The following GPR158 variants were observed in gnomAD, a reference collection of about 807,000 sequenced individuals.
The protein encoded by GPR158 is G protein-coupled receptor 158, also known as metabotropic glycine receptor.
A neutral mutation model predicts 78.2 loss-of-function variants in GPR158; 30 were observed. That is an observed-to-expected ratio of 0.38 (90% CI 0.29 to 0.52). GPR158 has a LOEUF of 0.52. GPR158 is among the 20% of genes least tolerant of loss of function. The pLI is 0.83. For synonymous variants in GPR158, 581 were observed against 591.1 expected, an observed-to-expected ratio of 0.98 and a Z score of 0.25; for missense variants, 1,463 against 1,523.5, an observed-to-expected ratio of 0.96 and a Z score of 0.66.
intron 5 of GPR158, among the ~76,000 whole-genome samples, chr10:25,509,837 C>G (rs971628644): frequency 1.3e-4 from 20 of 152,208 alleles, no homozygotes; most frequent in African/African-American, 3.9e-4. Flanking sequence ...CCTCAGCCTC[C>G]TGAGTAGCTG....
intron 6 of GPR158, among the ~76,000 whole-genome samples, chr10:25,556,350 G>A (rs965460590): frequency 1.7e-4 from 26 of 152,198 alleles, no homozygotes; most frequent in Non-Finnish European, 2.6e-4. Context: ...TTTCAAAACG[G>A]TTTTAGCCAG....
chr10:25,373,176 C>T (rs1261431919), intron 2 of GPR158, among the ~76,000 whole-genome samples: 2 of 151,808 alleles, frequency 1.3e-5, no homozygotes, highest in Non-Finnish European at 2.9e-5. Flanking sequence ...GGCCATTATC[C>T]CTAGCAAAAT....
chr10:25,584,544 T>A (rs1043570924), intron 7 of GPR158, among the ~76,000 whole-genome samples: 4 of 152,228 alleles, frequency 2.6e-5, no homozygotes, highest in African/African-American at 9.6e-5. Context: ...TTTTCTTTTT[T>A]TGAATCTTCA....
chr10:25,177,354 A>C (rs1432848198), intron 1 of GPR158, among the ~76,000 whole-genome samples: 1 of 152,190 alleles, frequency 6.6e-6, no homozygotes, highest in Non-Finnish European at 1.5e-5. Context: ...GCCCAAGATG[A>C]ACTGAGATCT....
chr10:25,581,158 G>A (rs1837192764), intron 7 of GPR158, among the ~76,000 whole-genome samples: 1 of 151,610 alleles, frequency 6.6e-6, no homozygotes, highest in South Asian at 2.1e-4. Context: ...TCAATCTCCT[G>A]ACCTCATGAT....
In GPR158 at chr10:25,598,642, G is replaced by A. The variant is rs765134279; in HGVS notation, c.3016G>A (p.Val1006Met). 2.5e-6 allele frequency: 4 copies of A among 1,614,084 alleles called. No homozygotes were observed. Among genetic ancestry groups the A allele is most frequent in the East Asian group, 4.5e-5 (2 of 44,874 alleles). Reference sequence around the variant, plus strand: ...GAAGGACAACTTTGACATTGGGGAGGTGTGTCCTTGGGAGGTTTATGACCT... The same window carrying A: ...GAAGGACAACTTTGACATTGGGGAGATGTGTCCTTGGGAGGTTTATGACCT... ...QMKDNFDIGEVCPWEVYDLTP... is the reference protein window; with the variant it reads ...QMKDNFDIGEMCPWEVYDLTP... Residue 1006 changes from valine to methionine, a missense_variant, in exon 11 of 11, where the codon GTG (valine) becomes ATG (methionine). Physicochemically the swap from Val to Met is conservative, Grantham distance 21. Coordinates refer to ENST00000376351, the MANE Select transcript of GPR158 (RefSeq NM_020752.3).
At chr10:25,293,860 C>T (rs1215912164) in intron 2 of GPR158, among the ~76,000 whole-genome samples, 1 of 151,842 alleles carries the variant, frequency 6.6e-6, no homozygotes, top group Non-Finnish European at 1.5e-5. Context: ...ATTCTCCTGC[C>T]TCAGCCTCCT....
In GPR158 at chr10:25,566,997, A is replaced by T. The variant is rs77390549; in HGVS notation, c.1515-5652A>T. Among the ~76,000 whole-genome samples, 134 of 152,292 alleles carry T rather than the reference A, an allele frequency of 8.8e-4. 1 individual carries two copies. The East Asian group carries it at 0.025, about 28-fold the overall frequency. On this transcript the variant is annotated intron_variant, in intron 6 of 10. Transcript: ENST00000376351. ...TGTCACCTCATACCTTTTATCACAA[A>T]CATTTATTCTCTGGAATTTCTACGA... is the stretch of plus-strand genomic sequence containing the variant.
chr10:25,369,594 A>G (rs1387880766), intron 2 of GPR158, among the ~76,000 whole-genome samples: 2 of 151,510 alleles, frequency 1.3e-5, no homozygotes, highest in African/African-American at 4.9e-5. Flanking sequence ...GGATTTTTGC[A>G]TCGATGTTCA....
intron 5 of GPR158, among the ~76,000 whole-genome samples, chr10:25,470,181 CTATT>C (rs1835479575): frequency 6.6e-6 from 1 of 151,960 alleles, no homozygotes; most frequent in South Asian, 2.1e-4. Flanking sequence ...ATTAATTTTT[CTATT>C]TATTCTTAAA....
intron 2 of GPR158, among the ~76,000 whole-genome samples, chr10:25,271,259 C>T (rs893071830): frequency 6.6e-6 from 1 of 152,150 alleles, no homozygotes; most frequent in Non-Finnish European, 1.5e-5. Context: ...GGCATCCTAT[C>T]CTGTTTCTTC....
chr10:25,530,133 T>C (rs1418293663), intron 5 of GPR158, among the ~76,000 whole-genome samples: 1 of 152,144 alleles, frequency 6.6e-6, no homozygotes, highest in East Asian at 1.9e-4. Flanking sequence ...GTCCTTATAC[T>C]TCTGAGATGG....
At chr10:25,269,450 G>A (rs144624658) in intron 2 of GPR158, among the ~76,000 whole-genome samples, 12 of 152,218 alleles carry the variant, frequency 7.9e-5, no homozygotes, top group African/African-American at 2.9e-4. Context: ...TGAAGAACCT[G>A]TGATTTTTCA....
chr10:25,189,537 T>G (rs1852740464), intron 1 of GPR158, among the ~76,000 whole-genome samples: 1 of 150,188 alleles, frequency 6.7e-6, no homozygotes, highest in South Asian at 2.1e-4. Flanking sequence ...ATCACAAGGA[T>G]AGAAAACCAA....
At chr10:25,320,571 C>T (rs1263281759) in intron 2 of GPR158, among the ~76,000 whole-genome samples, 4 of 152,172 alleles carry the variant, frequency 2.6e-5, no homozygotes, top group Admixed American at 2.6e-4. Context: ...CTTTAATGAT[C>T]TTTATGTTTA....
At chr10:25,402,515 A>G (rs942542523) in intron 3 of GPR158, among the ~76,000 whole-genome samples, 2 of 152,076 alleles carry the variant, frequency 1.3e-5, no homozygotes, top group African/African-American at 4.8e-5. Flanking sequence ...TGCCCTTTTC[A>G]TAGGACATGC....
rs369625203 is a variant in GPR158 at position 25,505,495 on chromosome 10, T to G, written c.1404+38776T>G. 2.0e-4 allele frequency among the ~76,000 whole-genome samples: 30 copies of G among 152,336 alleles called. No individual in the cohort carries two copies. The South Asian group carries it at 5.4e-3, about 27-fold the overall frequency. ...CTCATCTCTGGATTTCTTTTGCACC[T>G]TTTACTTCAGTTCCATCTATCTTCC... is the stretch of plus-strand genomic sequence containing the variant. On this transcript the variant is annotated intron_variant, in intron 5 of 10. Transcript: ENST00000376351.
At chr10:25,443,430 C>G (rs1016878050) in intron 4 of GPR158, among the ~76,000 whole-genome samples, 7 of 151,848 alleles carry the variant, frequency 4.6e-5, no homozygotes, top group Non-Finnish European at 1.0e-4. Flanking sequence ...TAGCACCAGC[C>G]TGTAATCCCA....
intron 5 of GPR158, among the ~76,000 whole-genome samples, chr10:25,543,126 ATT>A (rs1564485057): frequency 1.4e-5 from 2 of 144,350 alleles, no homozygotes; most frequent in South Asian, 2.2e-4. Flanking sequence ...TTTTATTTTT[ATT>A]TTTATTTTTT....
Sources: allele counts gnomAD v4.1 joint callset (sites outside exome capture counted in the v4.1 genomes callset), GRCh38; gene constraint gnomAD v4.1.1; transcripts MANE v1.5; gene names NCBI Gene and HGNC (gene_info 2026-07-23, HGNC 2026-07-21).